USH2A: variants seen among roughly 807,000 people sequenced by gnomAD.
The protein encoded by USH2A is Usher syndrome 2A (autosomal recessive, mild).
In USH2A, 443 loss-of-function variants were observed where a neutral mutation model predicts 538.9. That is an observed-to-expected ratio of 0.82 (90% CI 0.76 to 0.89). The LOEUF (loss-of-function observed/expected upper bound fraction) is 0.89, where lower values mean the gene tolerates loss of function less well. Ranked by LOEUF, USH2A falls within the 40% of genes least tolerant of loss-of-function variation. The pLI is 0.00. For missense variants in USH2A, 6,633 were observed against 6,324.8 expected (o/e 1.05, Z -1.65); for synonymous variants, 2,413 against 2,273.5 (o/e 1.06, Z -1.75).
chr1:216,160,040 T>C (rs2034026575), intron 21 of USH2A, among the ~76,000 whole-genome samples: 1 of 151,694 alleles, frequency 6.6e-6, no homozygotes, highest in African/African-American at 2.4e-5. Flanking sequence ...TAATCTGTAC[T>C]TTCTCCTTTC....
chr1:216,279,736 C>A (rs1217539721), intron 11 of USH2A, among the ~76,000 whole-genome samples: 2 of 152,084 alleles, frequency 1.3e-5, no homozygotes, highest in Non-Finnish European at 2.9e-5. Context: ...CAATAACAAG[C>A]AAAGTAAACG....
chr1:215,648,926 C>A (rs1656953212), intron 65 of USH2A, among the ~76,000 whole-genome samples, 160 bp from the exon 66 acceptor site: 1 of 152,086 alleles, frequency 6.6e-6, no homozygotes, highest in African/African-American at 2.4e-5. Context: ...AAAAAATTAC[C>A]AACTCAGTTA....
intron 21 of USH2A, among the ~76,000 whole-genome samples, chr1:216,162,428 AT>A (rs2034077878): frequency 6.6e-6 from 1 of 151,998 alleles, no homozygotes; most frequent in East Asian, 1.9e-4. Context: ...TTCTCTTAAC[AT>A]TAACTGAAGT....
intron 13 of USH2A, among the ~76,000 whole-genome samples, chr1:216,243,680 G>T (rs982492181): frequency 2.0e-5 from 3 of 152,216 alleles, no homozygotes; most frequent in African/African-American, 7.2e-5. Flanking sequence ...TGTAGAGAAG[G>T]ACAGGGGAAT....
At position 215,674,598 on chromosome 1, in the gene USH2A, C is replaced by T. The variant is rs111033417; in HGVS notation, c.13313G>A (p.Trp4438Ter). The change falls in exon 63 of 72, where the codon TGG becomes TAG. Residue 4438 changes from tryptophan (W) to a stop codon, truncating the protein, a stop_gained. Transcript: ENST00000307340. LOFTEE classifies it high-confidence loss of function. ...GTTCTCTGGCAGGGCCTCCATTGTC[C>T]AGGCAGATTTTGACACACTAGCTGT... ...GCTASVSKSA[W>*]TMEALPENMD... The T allele has an allele frequency of 1.9e-6, 3 of 1,614,108 alleles. No individual in the cohort carries two copies. The highest frequency in any genetic ancestry group is 1.1e-5 in the South Asian group (1 of 91,072).
intron 11 of USH2A, among the ~76,000 whole-genome samples, chr1:216,255,922 A>G (rs1404498484): frequency 6.6e-6 from 1 of 152,186 alleles, no homozygotes; most frequent in African/African-American, 2.4e-5. Flanking sequence ...GTACAGAAAT[A>G]TTAAGAATTG....
intron 30 of USH2A, among the ~76,000 whole-genome samples, chr1:216,061,119 G>C (rs1032437343): frequency 6.6e-6 from 1 of 152,192 alleles, no homozygotes; most frequent in African/African-American, 2.4e-5. Flanking sequence ...GGGCCCATTT[G>C]CTCCTGAGCG....
chr1:216,410,528 A>G (rs930167867), intron 3 of USH2A, among the ~76,000 whole-genome samples: 17 of 152,098 alleles, frequency 1.1e-4, no homozygotes, highest in African/African-American at 3.6e-4. Context: ...AGAAAGAAAG[A>G]AATAATGCCT....
chr1:216,214,658 C>T (rs2035309150), intron 15 of USH2A, among the ~76,000 whole-genome samples: 1 of 151,902 alleles, frequency 6.6e-6, no homozygotes, highest in South Asian at 2.1e-4. Context: ...TAAAATCCAT[C>T]AAACCATATA....
intron 35 of USH2A, among the ~76,000 whole-genome samples, 171 bp from the exon 36 acceptor site, chr1:215,970,947 T>G (rs1364004465): frequency 6.6e-6 from 1 of 151,796 alleles, no homozygotes; most frequent in African/African-American, 2.4e-5. Context: ...AAAATAGATG[T>G]TACCCTTGAA....
intron 70 of USH2A, among the ~76,000 whole-genome samples, chr1:215,630,505 T>G (rs1172469802): frequency 7.4e-6 from 1 of 135,424 alleles, no homozygotes; most frequent in African/African-American, 2.8e-5. Context: ...TATATATATA[T>G]ATATATATAT....
intron 11 of USH2A, among the ~76,000 whole-genome samples, chr1:216,259,397 T>A (rs964434947): frequency 2.0e-5 from 3 of 152,102 alleles, no homozygotes; most frequent in Non-Finnish European, 4.4e-5. Context: ...GAATATTTCA[T>A]CTCGGTCTAG....
At chr1:216,389,123 T>C (rs1001515700) in intron 3 of USH2A, among the ~76,000 whole-genome samples, 19 of 152,192 alleles carry the variant, frequency 1.2e-4, no homozygotes, top group African/African-American at 4.6e-4. Flanking sequence ...TACTTTATCA[T>C]CGCATGCTTC....
At chr1:216,277,036 CT>C (rs1239993593) in intron 11 of USH2A, among the ~76,000 whole-genome samples, 1 of 152,156 alleles carries the variant, frequency 6.6e-6, no homozygotes, top group Non-Finnish European at 1.5e-5. Context: ...TATCTACCTA[CT>C]TACCTACCTA....
At chr1:215,796,633 A>G (rs1662145197) in intron 50 of USH2A, among the ~76,000 whole-genome samples, 1 of 152,070 alleles carries the variant, frequency 6.6e-6, no homozygotes, top group African/African-American at 2.4e-5. Flanking sequence ...GAGGCACAGC[A>G]ATATTAAAAT....
intron 38 of USH2A, among the ~76,000 whole-genome samples, chr1:215,918,792 A>G (rs898296231): frequency 6.6e-6 from 1 of 152,266 alleles, no homozygotes; most frequent in African/African-American, 2.4e-5. Context: ...TACCACAGCA[A>G]TGATCAATAA....
At chr1:215,833,138 T>C (rs1327245453) in intron 47 of USH2A, among the ~76,000 whole-genome samples, 1 of 151,972 alleles carries the variant, frequency 6.6e-6, no homozygotes, top group Non-Finnish European at 1.5e-5. Flanking sequence ...TCTCTACCAA[T>C]TGATCCACAA....
chr1:216,377,686 G>A (rs1334700034), intron 3 of USH2A, among the ~76,000 whole-genome samples: 2 of 148,556 alleles, frequency 1.3e-5, no homozygotes, highest in Non-Finnish European at 3.0e-5. Context: ...GAAAGGGAAG[G>A]GGAGGGGAGA....
chr1:215,959,855 C>T (rs908905494), intron 37 of USH2A, among the ~76,000 whole-genome samples: 3 of 152,134 alleles, frequency 2.0e-5, no homozygotes, highest in Admixed American at 6.6e-5. Flanking sequence ...GCCTTAGAAA[C>T]TCTGACACAA....
Sources: gnomAD v4.1 joint callset for allele counts (sites outside exome capture counted in the v4.1 genomes callset) on GRCh38, gnomAD v4.1.1 for gene constraint, MANE v1.5 for transcripts, NCBI Gene and HGNC (gene_info 2026-07-23, HGNC 2026-07-21) for gene names.